The following VSTM4 variants were observed in gnomAD, a reference collection of about 807,000 sequenced individuals.
The protein encoded by VSTM4 is V-set and transmembrane domain containing 4.
Under a neutral mutation model 36.4 loss-of-function variants are expected in VSTM4, and 20 were observed. That is an observed-to-expected ratio of 0.55 (90% CI 0.39 to 0.80). The LOEUF (loss-of-function observed/expected upper bound fraction) is 0.80, where lower values mean the gene tolerates loss of function less well. Ranked by LOEUF, VSTM4 falls within the 30% of genes least tolerant of loss-of-function variation. The probability of loss-of-function intolerance (pLI) is 0.00; values close to 1 mark genes in which losing one functional copy is unlikely to be tolerated. For synonymous variants in VSTM4, 182 were observed against 173.9 expected (o/e 1.05, Z -0.37); for missense variants, 392 against 404.5 (o/e 0.97, Z 0.26).
chr10:49,108,027 G>A (rs1219790495), intron 1 of VSTM4, 32 bp from the exon 2 acceptor site: 3 of 1,523,936 alleles, frequency 2.0e-6, no homozygotes, highest in South Asian at 2.5e-5. Context: ...GAGAGGATGA[G>A]GAGGGCCCCA....
intron 5 of VSTM4, among the ~76,000 whole-genome samples, chr10:49,058,089 C>T (rs1843813103): frequency 6.6e-6 from 1 of 152,214 alleles, no homozygotes; most frequent in Non-Finnish European, 1.5e-5. Context: ...GCTGCAATGT[C>T]TCTGCAGCCA....
At chr10:49,024,734 G>A (rs968806468) in intron 7 of VSTM4, among the ~76,000 whole-genome samples, 31 of 152,040 alleles carry the variant, frequency 2.0e-4, no homozygotes, top group African/African-American at 7.2e-4. Flanking sequence ...TCCTCTCTAG[G>A]GTCAGCTAAA....
intron 7 of VSTM4, among the ~76,000 whole-genome samples, chr10:49,033,084 A>C (rs1458443313): frequency 1.3e-5 from 2 of 152,184 alleles, no homozygotes; most frequent in African/African-American, 4.8e-5. Flanking sequence ...ACTCACATAA[A>C]GTTATATGTG....
intron 2 of VSTM4, among the ~76,000 whole-genome samples, chr10:49,094,270 C>T (rs1844531585): frequency 6.6e-6 from 1 of 152,206 alleles, no homozygotes; most frequent in African/African-American, 2.4e-5. Context: ...AAATTCTGGC[C>T]TTGGAGTTGC....
chr10:49,050,830 A>G (rs1843686074), intron 5 of VSTM4, among the ~76,000 whole-genome samples: 1 of 152,254 alleles, frequency 6.6e-6, no homozygotes, highest in Non-Finnish European at 1.5e-5. Flanking sequence ...TGTCATAACC[A>G]AAACACAATC....
At chr10:49,068,072 T>C (rs911898429) in intron 4 of VSTM4, among the ~76,000 whole-genome samples, 1 of 152,238 alleles carries the variant, frequency 6.6e-6, no homozygotes, top group African/African-American at 2.4e-5. Flanking sequence ...TTTAATTGTT[T>C]TTTAATCAAA....
intron 1 of VSTM4, 77 bp downstream of exon 1, chr10:49,115,354 G>T (rs1844975851): frequency 2.1e-6 from 2 of 948,912 alleles, no homozygotes; most frequent in Non-Finnish European, 2.5e-6. Context: ...TCCCCACCAG[G>T]CCCGGAGCCC....
chr10:49,050,626 C>T (rs1018362272), intron 5 of VSTM4, among the ~76,000 whole-genome samples: 1 of 152,154 alleles, frequency 6.6e-6, no homozygotes, highest in African/African-American at 2.4e-5. Context: ...TGTGAATTTA[C>T]AAAACTTTGA....
intron 7 of VSTM4, among the ~76,000 whole-genome samples, chr10:49,043,947 C>T (rs1590081456): frequency 2.0e-5 from 3 of 152,184 alleles, no homozygotes; most frequent in Admixed American, 6.5e-5. Flanking sequence ...GTCAAGTGCA[C>T]ATTTAAACCT....
intron 5 of VSTM4, among the ~76,000 whole-genome samples, chr10:49,052,255 C>G (rs528225924): frequency 2.0e-5 from 3 of 152,256 alleles, no homozygotes; most frequent in African/African-American, 7.2e-5. Context: ...AGAATACCTA[C>G]GTCACCCTCC....
chr10:49,110,673 G>T (rs114136162), intron 1 of VSTM4, among the ~76,000 whole-genome samples: 2,157 of 151,990 alleles, frequency 0.014, 55 homozygotes, highest in African/African-American at 0.049. Context: ...TAGTATCAAT[G>T]GTCTTTATAA....
chr10:49,064,394 T>A (rs998627346), intron 5 of VSTM4: 6 of 359,690 alleles, frequency 1.7e-5, no homozygotes, highest in Non-Finnish European at 3.0e-5. Context: ...TGTATCAAAG[T>A]GGTTCAGAGC....
chr10:49,097,545 G>C (rs900961629), intron 2 of VSTM4, among the ~76,000 whole-genome samples: 1 of 152,212 alleles, frequency 6.6e-6, no homozygotes, highest in Non-Finnish European at 1.5e-5. Flanking sequence ...AGACATGAGA[G>C]AAACAGGAAG....
At chr10:49,100,587 A>T (rs1844648993) in intron 2 of VSTM4, among the ~76,000 whole-genome samples, 1 of 152,192 alleles carries the variant, frequency 6.6e-6, no homozygotes, top group South Asian at 2.1e-4. Context: ...ACATTTAAAA[A>T]AAAAACCCTG....
At chr10:49,099,444 A>G (rs1254326529) in intron 2 of VSTM4, among the ~76,000 whole-genome samples, 3 of 152,226 alleles carry the variant, frequency 2.0e-5, no homozygotes, top group Non-Finnish European at 2.9e-5. Context: ...GATGTTAAGA[A>G]CATTTCCCAA....
intron 7 of VSTM4, among the ~76,000 whole-genome samples, chr10:49,024,761 C>A (rs1306943347): frequency 6.6e-6 from 1 of 152,150 alleles, no homozygotes; most frequent in Non-Finnish European, 1.5e-5. Flanking sequence ...CGCATATGTG[C>A]ACGTTCTGAA....
intron 2 of VSTM4, chr10:49,103,346 T>C (rs1449664720): frequency 4.6e-6 from 1 of 216,926 alleles, no homozygotes; most frequent in Non-Finnish European, 7.9e-6. Flanking sequence ...GAACACTCTT[T>C]ACAGTAAGAT....
chr10:49,054,098 G>A (rs1422229976), intron 5 of VSTM4, among the ~76,000 whole-genome samples: 8 of 152,184 alleles, frequency 5.3e-5, no homozygotes, highest in Admixed American at 4.6e-4. Context: ...GAGAGATCAG[G>A]TCCTTCTCAA....
chr10:49,046,296 C>G (rs963461258), intron 7 of VSTM4, among the ~76,000 whole-genome samples: 1 of 152,158 alleles, frequency 6.6e-6, no homozygotes, highest in African/African-American at 2.4e-5. Context: ...CTGGCCACTA[C>G]TCTTCAAAAG....
Sources: gnomAD v4.1 joint callset for allele counts (sites outside exome capture counted in the v4.1 genomes callset) on GRCh38, gnomAD v4.1.1 for gene constraint, MANE v1.5 for transcripts, NCBI Gene and HGNC (gene_info 2026-07-23, HGNC 2026-07-21) for gene names.